The following BMPR1B variants were observed in gnomAD, a reference collection of about 807,000 sequenced individuals.
BMPR1B encodes the protein bone morphogenetic protein receptor type-1B.
Under a neutral mutation model 59.1 loss-of-function variants are expected in BMPR1B, and 12 were observed. The observed-to-expected ratio is 0.20, with a 90% confidence interval of 0.13 to 0.33. The LOEUF is 0.33. Ranked by LOEUF, BMPR1B falls within the 10% of genes least tolerant of loss-of-function variation. BMPR1B has a pLI of 1.00. For synonymous variants in BMPR1B, 237 were observed against 207.3 expected, an observed-to-expected ratio of 1.14 and a Z score of -1.23; for missense variants, 550 against 610.9, an observed-to-expected ratio of 0.90 and a Z score of 1.05.
At chr4:94,984,973 A>G (rs1251780036) in intron 2 of BMPR1B, among the ~76,000 whole-genome samples, 1 of 152,210 alleles carries the variant, frequency 6.6e-6, no homozygotes, top group Non-Finnish European at 1.5e-5. Flanking sequence ...ATGTTACTGT[A>G]TAGAAATAAA....
intron 2 of BMPR1B, among the ~76,000 whole-genome samples, chr4:94,972,627 T>C (rs1454068421): frequency 8.2e-6 from 1 of 122,306 alleles, no homozygotes; most frequent in Non-Finnish European, 1.6e-5. Context: ...GTTTCTTCCA[T>C]TTTTTTTTTG....
At chr4:95,078,036 G>A (rs1728841324) in intron 3 of BMPR1B, among the ~76,000 whole-genome samples, 1 of 152,176 alleles carries the variant, frequency 6.6e-6, no homozygotes, top group Non-Finnish European at 1.5e-5. Flanking sequence ...TTCACATAGT[G>A]TGTACTGTTC....
chr4:95,045,516 C>A (rs563634253), intron 3 of BMPR1B, among the ~76,000 whole-genome samples: 3 of 152,274 alleles, frequency 2.0e-5, no homozygotes, highest in Admixed American at 6.5e-5. Context: ...GCAAGCACTA[C>A]TTTTTTTCTT....
At chr4:95,040,385 A>G (rs1245869782) in intron 3 of BMPR1B, among the ~76,000 whole-genome samples, 1 of 152,068 alleles carries the variant, frequency 6.6e-6, no homozygotes, top group Non-Finnish European at 1.5e-5. Flanking sequence ...CAATTGACTT[A>G]TTTTATATCA....
intron 2 of BMPR1B, among the ~76,000 whole-genome samples, chr4:94,968,761 G>A (rs1730657603): frequency 6.6e-6 from 1 of 152,022 alleles, no homozygotes; most frequent in African/African-American, 2.4e-5. Context: ...TTTACCATTG[G>A]TAGCATTGTT....
At chr4:94,975,364 T>C (rs1003587803) in intron 2 of BMPR1B, among the ~76,000 whole-genome samples, 1 of 36,996 alleles carries the variant, frequency 2.7e-5, no homozygotes, top group Non-Finnish European at 4.8e-5. Context: ...TTTGTTTTTG[T>C]TTTTTTTTTT....
chr4:94,990,590 T>C (rs1721670618), intron 2 of BMPR1B, among the ~76,000 whole-genome samples: 1 of 152,210 alleles, frequency 6.6e-6, no homozygotes, highest in African/African-American at 2.4e-5. Flanking sequence ...CTAAGTCACA[T>C]ATGTAACTTA....
At chr4:95,110,872 T>C (rs1442513667) in intron 4 of BMPR1B, among the ~76,000 whole-genome samples, 1 of 147,948 alleles carries the variant, frequency 6.8e-6, no homozygotes, top group Non-Finnish European at 1.5e-5. Flanking sequence ...TTCAGCTATT[T>C]TAGTTAATGG....
At chr4:95,055,702 A>C (rs1726871065) in intron 3 of BMPR1B, among the ~76,000 whole-genome samples, 1 of 152,190 alleles carries the variant, frequency 6.6e-6, no homozygotes. Flanking sequence ...TAGTAATTTC[A>C]CGTAATTGCC....
rs144983236 is a variant in BMPR1B, at chr4:95,054,570, T to A, written c.-17-49838T>A. Among the ~76,000 whole-genome samples, 455 of 152,300 alleles carry A rather than the reference T, an allele frequency of 3.0e-3. 5 individuals carry two copies. The highest frequency in any genetic ancestry group is 0.01 in the African/African-American group (432 of 41,574). ...TAATTTCTACTTGAAATGGATTATGTTTAGATTGAGCTACTTGTACTATCC... is the reference window on the plus strand; with the variant it reads ...TAATTTCTACTTGAAATGGATTATGATTAGATTGAGCTACTTGTACTATCC... On this transcript the variant is annotated intron_variant, in intron 3 of 12. Coordinates refer to ENST00000515059, the MANE Select transcript of BMPR1B (RefSeq NM_001203.3).
intron 1 of BMPR1B, among the ~76,000 whole-genome samples, chr4:94,846,845 C>A (rs1252750022): frequency 4.1e-5 from 6 of 148,056 alleles, no homozygotes; most frequent in Non-Finnish European, 1.5e-5. Context: ...TGAAACTACT[C>A]AAAAAAAAAA....
rs1017951978 is a variant in BMPR1B at position 95,051,832 on chromosome 4, G to A, written c.-17-52576G>A. 8 of 1,494,786 alleles carry A rather than the reference G, an allele frequency of 5.4e-6. No homozygotes were observed. The African/African-American group carries it at 8.3e-5, about 16-fold the overall frequency. 92.6% of individuals were successfully genotyped at this position (1,494,786 alleles called of 1,614,324 possible). On this transcript the variant is annotated intron_variant, in intron 3 of 12. Transcript: ENST00000515059. ...TGGGGCTGAGTTAGAGTCTGATTTC[G>A]TGGCTTTTATCGCAGAAGGGAAAGT...
rs535391796 is a variant in BMPR1B, at chr4:94,916,150, C to A, written c.-113+40250C>A. Among the ~76,000 whole-genome samples the A allele has an allele frequency of 5.9e-5, 9 of 152,192 alleles. No individual in the cohort carries two copies. The South Asian group carries it at 1.9e-3, about 32-fold the overall frequency. The stretch of plus-strand genomic sequence containing the variant: ...CCCAGTCTTAAGTATTTCTTTATTG[C>A]AATACAGGAACAACCCAATACAAAG... On this transcript the variant is annotated intron_variant, in intron 2 of 12. Transcript: ENST00000515059.
At chr4:94,980,931 G>GTTGCAGTGAGCCGAGA (rs2149087289) in intron 2 of BMPR1B, among the ~76,000 whole-genome samples, 1 of 152,064 alleles carries the variant, frequency 6.6e-6, no homozygotes, top group Non-Finnish European at 1.5e-5. Flanking sequence ...GGAGGCAGAG[G>GTTGCAGTGAGCCGAGA]TTGCAGTGAG....
intron 2 of BMPR1B, among the ~76,000 whole-genome samples, chr4:94,903,857 C>T (rs1163645763): frequency 6.6e-6 from 1 of 151,992 alleles, no homozygotes; most frequent in Non-Finnish European, 1.5e-5. Flanking sequence ...CAGAAGAAAG[C>T]AGCCCTGTGG....
chr4:94,785,713 C>G (rs1468488505), intron 1 of BMPR1B, among the ~76,000 whole-genome samples: 1 of 151,952 alleles, frequency 6.6e-6, no homozygotes, highest in Non-Finnish European at 1.5e-5. Flanking sequence ...GAAAATTAAC[C>G]CCAAGATATA....
chr4:94,803,302 G>T lies in BMPR1B; in HGVS notation c.-183+45234G>T, dbSNP rs142626205. On this transcript the variant is annotated intron_variant, in intron 1 of 12. Coordinates refer to ENST00000515059, the MANE Select transcript of BMPR1B (RefSeq NM_001203.3). ...AAGATTTTTAGTTAGATCTGGGTTGGTTCTACCCTGCACAGTAATCTGGCA... is the reference window on the plus strand; with the variant it reads ...AAGATTTTTAGTTAGATCTGGGTTGTTTCTACCCTGCACAGTAATCTGGCA... Among the ~76,000 whole-genome samples the T allele has an allele frequency of 4.2e-3, 637 of 152,200 alleles. 1 individual carries two copies. Among genetic ancestry groups the T allele is most frequent in the Non-Finnish European group, 7.3e-3 (497 of 68,018 alleles).
chr4:94,944,665 G>T (rs1729643007), intron 2 of BMPR1B, among the ~76,000 whole-genome samples: 1 of 152,138 alleles, frequency 6.6e-6, no homozygotes, highest in African/African-American at 2.4e-5. Flanking sequence ...ATACTTTTTG[G>T]TTAGTTCTAG....
Position 94,951,534 on chromosome 4 carries a change from G to T in BMPR1B, c.-112-44506G>T, listed in dbSNP as rs192123842. ...TTTCTGCATCTGTTGAGGTAATTAC[G>T]TGCTTTTTGTCATTGGTTCTGTTTA... is the stretch of plus-strand genomic sequence containing the variant. On this transcript the variant is annotated intron_variant, in intron 2 of 12. Transcript: ENST00000515059. Among the ~76,000 whole-genome samples the T allele has an allele frequency of 1.2e-3, 186 of 152,206 alleles. 1 individual carries two copies. Among genetic ancestry groups the T allele is most frequent in the Middle Eastern group, 0.01 (3 of 294 alleles).
Sources: allele counts gnomAD v4.1 joint callset (sites outside exome capture counted in the v4.1 genomes callset), GRCh38; gene constraint gnomAD v4.1.1; transcripts MANE v1.5; gene names NCBI Gene and HGNC (gene_info 2026-07-23, HGNC 2026-07-21).